Variants in DGKG observed in about 807,000 individuals in gnomAD.
DGKG encodes diacylglycerol kinase gamma.
Under a neutral mutation model 105.3 loss-of-function variants are expected in DGKG, and 78 were observed. The ratio of observed to expected loss-of-function variants is 0.74; its 90% confidence interval spans 0.62 to 0.89. The LOEUF is 0.89. Among genes scored for constraint, DGKG ranks in the 40% least tolerant of loss-of-function variants. DGKG has a pLI of 0.00. For synonymous variants in DGKG, 346 were observed against 367.1 expected, an observed-to-expected ratio of 0.94 and a Z score of 0.66; for missense variants, 958 against 1,020.1, an observed-to-expected ratio of 0.94 and a Z score of 0.83.
intron 20 of DGKG, among the ~76,000 whole-genome samples, chr3:186,229,744 AT>A (rs1278766845): frequency 2.0e-5 from 3 of 152,196 alleles, no homozygotes; most frequent in Non-Finnish European, 4.4e-5. Flanking sequence ...ACCTAGCATG[AT>A]GCTAACACAA....
chr3:186,348,430 T>C (rs1407081767), intron 1 of DGKG, among the ~76,000 whole-genome samples: 37 of 143,646 alleles, frequency 2.6e-4, no homozygotes, highest in Non-Finnish European at 3.3e-4. Flanking sequence ...AATTACTGAA[T>C]AGAGAATTCT....
intron 5 of DGKG, among the ~76,000 whole-genome samples, chr3:186,295,236 C>T (rs1315797870): frequency 6.6e-6 from 1 of 152,130 alleles, no homozygotes; most frequent in South Asian, 2.1e-4. Flanking sequence ...GGCGGGGTGG[C>T]TCACGCCTAT....
At position 186,297,958 on chromosome 3, in the gene DGKG, G is replaced by C. The variant is rs1350770947; in HGVS notation, c.310+106C>G. ...TCCCTTGGTTCATGTTCGCACCGTT[G>C]GGGCAGTTACTATGTTCAGGGGACC... On this transcript the variant is annotated intron_variant, in intron 4 of 24. Transcript: ENST00000265022. The C allele has an allele frequency of 3.0e-6, 4 of 1,340,512 alleles. No homozygotes were observed. In the Admixed American group the frequency reaches 9.4e-5, roughly 32 times the overall value. 83.0% of individuals were successfully genotyped at this position (1,340,512 alleles called of 1,614,324 possible). A position where few individuals can be genotyped will look rare whatever the true frequency, so the allele number is the denominator to read the frequency against.
chr3:186,275,201 A>G (rs1722521430), intron 10 of DGKG, among the ~76,000 whole-genome samples: 1 of 152,212 alleles, frequency 6.6e-6, no homozygotes, highest in Admixed American at 6.5e-5. Flanking sequence ...TAATTTTTAA[A>G]AAATAAGTTT....
intron 20 of DGKG, 107 bp from the exon 21 acceptor site, chr3:186,211,992 A>G: frequency 1.2e-6 from 1 of 826,206 alleles, no homozygotes; most frequent in East Asian, 2.6e-5. Context: ...CAATTTCCCC[A>G]ATCTTACATT....
Position 186,273,523 on chromosome 3 carries a change from C to T in DGKG, c.911-1180G>A, listed in dbSNP as rs73056200. Among the ~76,000 whole-genome samples the T allele has an allele frequency of 4.0e-3, 608 of 151,848 alleles. 4 individuals carry two copies. Among genetic ancestry groups the T allele is most frequent in the African/African-American group, 0.014 (582 of 41,452 alleles). ...CCGAGTAGCTGGGATTACAAGCATG[C>T]GCCACCATGCCCAGCTAATTTTTGT... is the stretch of plus-strand genomic sequence containing the variant. On this transcript the variant is annotated intron_variant, in intron 10 of 24. Transcript: ENST00000265022.
At chr3:186,178,397 A>G (rs776783612) in intron 22 of DGKG, among the ~76,000 whole-genome samples, 23 of 152,194 alleles carry the variant, frequency 1.5e-4, no homozygotes, top group Non-Finnish European at 3.1e-4. Context: ...TTTGGGGGTC[A>G]AGATGGGCAA....
Position 186,148,825 on chromosome 3 carries a change from C to T in DGKG, c.*1265G>A, listed in dbSNP as rs1034170316. 26 of 985,284 alleles carry T rather than the reference C, an allele frequency of 2.6e-5. No individual in the cohort carries two copies. The East Asian group carries it at 8.0e-4, about 30-fold the overall frequency. 61.0% of individuals were successfully genotyped at this position (985,284 alleles called of 1,614,324 possible). On this transcript the variant is annotated 3_prime_UTR_variant, in exon 25 of 25. Transcript: ENST00000265022. ...CATTCCCCTTAACCCTTGTGATCAC[C>T]ACAGGGAGATGCGTCCTGACAATGA...
chr3:186,206,383 A>AAAAAC (rs1218231469), intron 21 of DGKG, among the ~76,000 whole-genome samples: 2 of 151,698 alleles, frequency 1.3e-5, no homozygotes, highest in African/African-American at 2.4e-5. Flanking sequence ...ACTCTGTCAA[A>AAAAAC]AAAACAAAAC....
intron 13 of DGKG, among the ~76,000 whole-genome samples, chr3:186,265,873 T>C (rs966626485): frequency 1.3e-5 from 2 of 152,076 alleles, no homozygotes; most frequent in African/African-American, 2.4e-5. Context: ...GGTTTCACCA[T>C]GTTGGCCAGG....
chr3:186,325,035 A>G (rs755207326), intron 1 of DGKG, among the ~76,000 whole-genome samples: 1 of 152,274 alleles, frequency 6.6e-6, no homozygotes, highest in Non-Finnish European at 1.5e-5. Context: ...GCCGTAAAAA[A>G]GAATGAAATC....
chr3:186,278,384 G>A (rs953130012), intron 9 of DGKG, among the ~76,000 whole-genome samples: 9 of 152,246 alleles, frequency 5.9e-5, no homozygotes, highest in African/African-American at 2.2e-4. Context: ...GATCACATGG[G>A]TTCTTGTACA....
chr3:186,265,138 G>A (rs1343284741), intron 14 of DGKG, 109 bp downstream of exon 14: 1 of 1,050,090 alleles, frequency 9.5e-7, no homozygotes, highest in East Asian at 2.5e-5. Flanking sequence ...TTAGTCAGAT[G>A]AGAAGGCAAA....
chr3:186,293,599 G>A (rs1254324395), intron 5 of DGKG, among the ~76,000 whole-genome samples: 2 of 152,182 alleles, frequency 1.3e-5, no homozygotes, highest in Non-Finnish European at 2.9e-5. Context: ...CCTCCGAGCC[G>A]AAGTCTGGAC....
intron 22 of DGKG, among the ~76,000 whole-genome samples, chr3:186,178,448 A>ACTAGTCTAGTCCT (rs1322102350): frequency 2.0e-5 from 3 of 152,128 alleles, no homozygotes; most frequent in Non-Finnish European, 4.4e-5. Flanking sequence ...CCTGCCAAAG[A>ACTAGTCTAGTCCT]GCCTAGCCTA....
rs375510478 is a variant in DGKG at position 186,188,129 on chromosome 3, C to T, written c.2095+73G>A. On this transcript the variant is annotated intron_variant, in intron 22 of 24. Coordinates refer to ENST00000265022, the MANE Select transcript of DGKG (RefSeq NM_001346.3). Reference sequence around the variant, plus strand: ...TGCTGGGCTGTGGGGCCTTACGAGGCCTGCTGACATCCACCTGAGGGCACC... The same window carrying T: ...TGCTGGGCTGTGGGGCCTTACGAGGTCTGCTGACATCCACCTGAGGGCACC... 9.0e-6 allele frequency: 14 copies of T among 1,556,588 alleles called. No homozygotes were observed. In the African/African-American group the frequency reaches 1.4e-4, roughly 15 times the overall value.
At chr3:186,176,716 G>A (rs1193161007) in intron 22 of DGKG, among the ~76,000 whole-genome samples, 1 of 152,206 alleles carries the variant, frequency 6.6e-6, no homozygotes, top group Non-Finnish European at 1.5e-5. Context: ...GGGTGCTGTA[G>A]AGGATTAAAA....
chr3:186,332,706 A>T (rs935294630), intron 1 of DGKG, among the ~76,000 whole-genome samples: 4 of 152,194 alleles, frequency 2.6e-5, no homozygotes, highest in Non-Finnish European at 5.9e-5. Context: ...TTATGAGATT[A>T]TTTGTATAAT....
intron 1 of DGKG, among the ~76,000 whole-genome samples, chr3:186,328,091 C>T (rs568989887): frequency 6.6e-6 from 1 of 152,200 alleles, no homozygotes. Context: ...GCCTGACAAA[C>T]ACACCATGCC....
Sources: gnomAD v4.1 joint callset for allele counts (sites outside exome capture counted in the v4.1 genomes callset) on GRCh38, gnomAD v4.1.1 for gene constraint, MANE v1.5 for transcripts, NCBI Gene and HGNC (gene_info 2026-07-23, HGNC 2026-07-21) for gene names.